Variants in LNX2 observed in about 807,000 individuals in gnomAD.
LNX2 encodes ligand of Numb protein X 2.
Under a neutral mutation model 66.2 loss-of-function variants are expected in LNX2, and 35 were observed. The ratio of observed to expected loss-of-function variants is 0.53; its 90% CI spans 0.40 to 0.70. LNX2 has a LOEUF of 0.70. Among genes scored for constraint, LNX2 ranks in the 30% least tolerant of loss-of-function variants. The pLI is 0.00. For missense variants in LNX2, 791 were observed against 850.8 expected (o/e 0.93, Z 0.87); for synonymous variants, 337 against 315.6 (o/e 1.07, Z -0.72).
At chr13:27,560,986 G>A (rs1395509274) in intron 5 of LNX2, among the ~76,000 whole-genome samples, 1 of 152,160 alleles carries the variant, frequency 6.6e-6, no homozygotes, top group Non-Finnish European at 1.5e-5. Context: ...CTCCTTTTAA[G>A]ACATGGAGTA....
chr13:27,586,117 G>A (rs907070621), intron 1 of LNX2, among the ~76,000 whole-genome samples: 17 of 148,004 alleles, frequency 1.1e-4, no homozygotes, highest in African/African-American at 3.7e-4. Flanking sequence ...ATATATATAC[G>A]TATATATATA....
intron 4 of LNX2, among the ~76,000 whole-genome samples, chr13:27,564,150 C>T (rs1047810314): frequency 1.3e-5 from 2 of 152,140 alleles, no homozygotes; most frequent in East Asian, 1.9e-4. Flanking sequence ...CTTTACAAAA[C>T]GTCTGGCTAA....
At position 27,562,725 on chromosome 13, in the gene LNX2, G is replaced by A. The variant is rs761289947; in HGVS notation, c.912C>T (p.Ser304=). 1.9e-6 allele frequency: 3 copies of A among 1,613,996 alleles called. No homozygotes were observed. Among genetic ancestry groups the A allele is most frequent in the Admixed American group, 1.7e-5 (1 of 60,000 alleles). Residue 304 remains serine, a synonymous_variant, in exon 5 of 10, where the codon TCC becomes TCT. Coordinates refer to ENST00000316334, the MANE Select transcript of LNX2 (RefSeq NM_153371.4). ...TAAGATGCAGTGTGTTGCAGGGCTG[G>A]GAAAGGACAGCTCGGGCATAGTTAT... ...VSHNYARAVL[S]QPCNTLHLTV...
At chr13:27,609,159 C>G (rs9554077) in intron 1 of LNX2, among the ~76,000 whole-genome samples, 1 of 13,160 alleles carries the variant, frequency 7.6e-5, no homozygotes, top group East Asian at 8.8e-3. Context: ...TTTTTTTTTT[C>G]TTTTTTTTTA....
chr13:27,613,352 G>A (rs1454387826), intron 1 of LNX2, among the ~76,000 whole-genome samples: 1 of 152,154 alleles, frequency 6.6e-6, no homozygotes, highest in Non-Finnish European at 1.5e-5. Flanking sequence ...AATAGAAAGT[G>A]TGGGTATTGA....
At chr13:27,580,785 T>C (rs1432334261) in intron 2 of LNX2, among the ~76,000 whole-genome samples, 1 of 152,212 alleles carries the variant, frequency 6.6e-6, no homozygotes, top group Non-Finnish European at 1.5e-5. Flanking sequence ...ATTGGCTGCA[T>C]AATATCCCAC....
chr13:27,574,979 C>T (rs184411407), intron 2 of LNX2, among the ~76,000 whole-genome samples: 17 of 152,240 alleles, frequency 1.1e-4, no homozygotes, highest in African/African-American at 4.1e-4. Flanking sequence ...ATCCAGCCGA[C>T]TTCAAAAATA....
At chr13:27,583,196 GT>G (rs1955424129) in intron 1 of LNX2, among the ~76,000 whole-genome samples, 1 of 11,518 alleles carries the variant, frequency 8.7e-5, no homozygotes, top group African/African-American at 3.5e-4. Flanking sequence ...GTGTGTGTGT[GT>G]GTGTGTGTGT....
At chr13:27,598,799 T>A (rs944671039) in intron 1 of LNX2, among the ~76,000 whole-genome samples, 1 of 152,114 alleles carries the variant, frequency 6.6e-6, no homozygotes, top group Non-Finnish European at 1.5e-5. Context: ...TATACATACC[T>A]ACACATATAC....
chr13:27,605,864 T>C (rs929638481), intron 1 of LNX2, among the ~76,000 whole-genome samples: 1 of 152,170 alleles, frequency 6.6e-6, no homozygotes, highest in Non-Finnish European at 1.5e-5. Context: ...ACTGAAAATA[T>C]TAAAACTTTC....
At chr13:27,569,880 T>C (rs1057223862) in intron 2 of LNX2, among the ~76,000 whole-genome samples, 2 of 152,190 alleles carry the variant, frequency 1.3e-5, no homozygotes, top group Non-Finnish European at 2.9e-5. Flanking sequence ...AGAATTTCAA[T>C]AGAATTATTG....
chr13:27,604,271 C>T (rs543340992), intron 1 of LNX2, among the ~76,000 whole-genome samples: 3 of 152,346 alleles, frequency 2.0e-5, no homozygotes, highest in South Asian at 2.1e-4. Context: ...AAATGAACCA[C>T]GCTCTTTCCA....
intron 9 of LNX2, among the ~76,000 whole-genome samples, chr13:27,549,914 G>C (rs978503421): frequency 2.6e-5 from 4 of 152,222 alleles, no homozygotes; most frequent in African/African-American, 9.6e-5. Flanking sequence ...TGAGTAGGCT[G>C]TGTGGGAAAC....
intron 9 of LNX2, among the ~76,000 whole-genome samples, chr13:27,549,918 G>T (rs1223996650): frequency 6.6e-6 from 1 of 152,176 alleles, no homozygotes; most frequent in Non-Finnish European, 1.5e-5. Context: ...TAGGCTGTGT[G>T]GGAAACTTAC....
chr13:27,593,913 C>T (rs980680555), intron 1 of LNX2, among the ~76,000 whole-genome samples: 1 of 151,814 alleles, frequency 6.6e-6, no homozygotes, highest in African/African-American at 2.4e-5. Context: ...TGAAATTATA[C>T]CATTCTTGTT....
chr13:27,620,605 G>T (rs1190704624), upstream of LNX2: 1 of 155,636 alleles, frequency 6.4e-6, no homozygotes, highest in South Asian at 1.7e-4. Context: ...CGCCAAGGCC[G>T]AGCGGCCCAA....
At position 27,592,356 on chromosome 13, in the gene LNX2, G is replaced by C. The variant is rs185451426; in HGVS notation, c.-100-10553C>G. On this transcript the variant is annotated intron_variant, in intron 1 of 9. Coordinates refer to ENST00000316334, the MANE Select transcript of LNX2 (RefSeq NM_153371.4). ...AAATGTGTTCATGGGCTGATGGGAG[G>C]GGGGAAAGTCAAGGATGACACCAAG... Among the ~76,000 whole-genome samples, 368 of 152,234 alleles carry C rather than the reference G, an allele frequency of 2.4e-3. 6 individuals carry two copies. The highest frequency in any genetic ancestry group is 4.0e-4 in the Non-Finnish European group (27 of 68,010).
intron 1 of LNX2, among the ~76,000 whole-genome samples, chr13:27,588,820 CAGT>C (rs1351575705): frequency 2.0e-5 from 3 of 151,940 alleles, no homozygotes; most frequent in African/African-American, 7.3e-5. Context: ...AAAACAAACC[CAGT>C]AGATTAACAT....
chr13:27,548,125 G>C lies in LNX2; in HGVS notation c.*210C>G. On this transcript the variant is annotated 3_prime_UTR_variant, in exon 10 of 10. Transcript: ENST00000316334. ...ATTCTGAAAATATAAACTCACAAAG[G>C]TTAGTGGAAGACTGTTTCCAAGCTA... is the stretch of plus-strand genomic sequence containing the variant. The C allele has an allele frequency of 1.9e-6, 1 of 523,310 alleles. No homozygotes were observed. Among genetic ancestry groups the C allele is most frequent in the Non-Finnish European group, 3.4e-6 (1 of 296,538 alleles). The allele number at this position is 523,310 out of a possible 1,614,324, so 32.4% of individuals were successfully genotyped here. A position where few individuals can be genotyped will look rare whatever the true frequency, so the allele number is the denominator to read the frequency against.
Sources: gnomAD v4.1 joint callset for allele counts (sites outside exome capture counted in the v4.1 genomes callset) on GRCh38, gnomAD v4.1.1 for gene constraint, MANE v1.5 for transcripts, NCBI Gene and HGNC (gene_info 2026-07-23, HGNC 2026-07-21) for gene names.